The following EVA1A variants were observed in gnomAD, a reference collection of about 807,000 sequenced individuals.
EVA1A encodes protein eva-1 homolog A.
A neutral mutation model predicts 9.8 loss-of-function variants in EVA1A; 7 were observed. The ratio of observed to expected loss-of-function variants is 0.71; its 90% CI spans 0.41 to 1.34. The LOEUF (loss-of-function observed/expected upper bound fraction) is 1.34, where lower values mean the gene tolerates loss of function less well. EVA1A is among the 40% of genes most tolerant of loss of function. EVA1A has a pLI of 0.01. For synonymous variants in EVA1A, 90 were observed against 85.6 expected (o/e 1.05, Z -0.28); for missense variants, 206 against 205.9 (o/e 1.00, Z 0.00).
At chr2:75,534,127 T>C (rs1675786812) in intron 1 of EVA1A, among the ~76,000 whole-genome samples, 1 of 152,130 alleles carries the variant, frequency 6.6e-6, no homozygotes, top group Non-Finnish European at 1.5e-5. Context: ...TAGTTTCAGC[T>C]ACTCAGGATG....
chr2:75,553,541 G>A (rs1676598360), intron 1 of EVA1A, among the ~76,000 whole-genome samples: 1 of 152,196 alleles, frequency 6.6e-6, no homozygotes, highest in Admixed American at 6.5e-5. Flanking sequence ...CCAGAGCCTG[G>A]AACTGTGCCT....
intron 1 of EVA1A, among the ~76,000 whole-genome samples, chr2:75,540,081 C>T (rs1476557722): frequency 6.6e-6 from 1 of 152,222 alleles, no homozygotes; most frequent in Non-Finnish European, 1.5e-5. Context: ...GGTGCAGCAA[C>T]CTTCCTCTAG....
At chr2:75,494,589 C>T (rs1674142015) in intron 3 of EVA1A, among the ~76,000 whole-genome samples, 1 of 152,210 alleles carries the variant, frequency 6.6e-6, no homozygotes, top group Non-Finnish European at 1.5e-5. Flanking sequence ...ATGGTGCCAA[C>T]AGCCATGTGA....
chr2:75,552,806 G>A (rs1396385006), intron 1 of EVA1A, among the ~76,000 whole-genome samples: 1 of 152,166 alleles, frequency 6.6e-6, no homozygotes, highest in Non-Finnish European at 1.5e-5. Flanking sequence ...TGGGAAGGAG[G>A]CTGAGATGTA....
At chr2:75,548,177 G>C (rs77704856) in intron 1 of EVA1A, among the ~76,000 whole-genome samples, 1 of 152,182 alleles carries the variant, frequency 6.6e-6, no homozygotes, top group East Asian at 1.9e-4. Flanking sequence ...CTGTCACTCA[G>C]GCTATAATGC....
chr2:75,521,378 G>A (rs1395650074), intron 2 of EVA1A, among the ~76,000 whole-genome samples: 3 of 152,168 alleles, frequency 2.0e-5, no homozygotes, highest in Non-Finnish European at 1.5e-5. Context: ...AACAGAATTT[G>A]TACACCAATG....
At chr2:75,533,110 C>T (rs1446484373) in intron 1 of EVA1A, among the ~76,000 whole-genome samples, 1 of 148,988 alleles carries the variant, frequency 6.7e-6, no homozygotes, top group Non-Finnish European at 1.5e-5. Flanking sequence ...CCCCACTGCA[C>T]TGCACTCCAG....
chr2:75,537,130 A>G (rs1675938866), intron 1 of EVA1A, among the ~76,000 whole-genome samples: 1 of 152,214 alleles, frequency 6.6e-6, no homozygotes, highest in Admixed American at 6.5e-5. Flanking sequence ...TTATGACATG[A>G]CTACATGGGG....
At chr2:75,507,340 A>C (rs192111026) in intron 3 of EVA1A, among the ~76,000 whole-genome samples, 26 of 152,294 alleles carry the variant, frequency 1.7e-4, no homozygotes, top group African/African-American at 4.8e-4. Flanking sequence ...TGCTGATATA[A>C]ATGCAAACCC....
In EVA1A at chr2:75,493,603, G is replaced by C; in HGVS notation, c.92C>G (p.Pro31Arg). The C allele has an allele frequency of 6.3e-7, 1 of 1,583,548 alleles. No homozygotes were observed. Among genetic ancestry groups the C allele is most frequent in the African/African-American group, 1.3e-5 (1 of 74,142 alleles). ...LAAYSFVSEN[P>R]ERAALYFVSG... The stretch of plus-strand genomic sequence containing the variant: ...AACAAAGTACAGAGCTGCTCGCTCA[G>C]GATTTTCTGGAGGAAGAAGAGGAAG... The change falls in exon 4 of 4, where the codon CCT becomes CGT. Residue 31 changes from proline to arginine, a missense_variant. Coordinates refer to ENST00000393913, the MANE Select transcript of EVA1A (RefSeq NM_001135032.2).
intron 3 of EVA1A, among the ~76,000 whole-genome samples, chr2:75,504,595 C>T (rs534111186): frequency 6.6e-6 from 1 of 152,174 alleles, no homozygotes; most frequent in Non-Finnish European, 1.5e-5. Flanking sequence ...CTGTTCCTAC[C>T]TGGCTGGCTC....
intron 3 of EVA1A, among the ~76,000 whole-genome samples, chr2:75,511,282 T>C (rs1247295571): frequency 3.9e-5 from 6 of 152,188 alleles, no homozygotes; most frequent in Non-Finnish European, 7.4e-5. Flanking sequence ...AGTTCTTCTT[T>C]GGGGCACTTA....
chr2:75,537,159 G>A (rs186689092), intron 1 of EVA1A, among the ~76,000 whole-genome samples: 154 of 152,048 alleles, frequency 1.0e-3, no homozygotes, highest in African/African-American at 3.5e-3. Flanking sequence ...AAGAATGCAA[G>A]GCTTATTCAA....
intron 1 of EVA1A, among the ~76,000 whole-genome samples, chr2:75,523,765 C>T (rs1185755262): frequency 6.6e-6 from 1 of 152,206 alleles, no homozygotes; most frequent in Non-Finnish European, 1.5e-5. Flanking sequence ...CTCAGAGTTT[C>T]CCACAATAAG....
At chr2:75,529,313 C>A (rs550521979) in intron 1 of EVA1A, among the ~76,000 whole-genome samples, 1 of 152,132 alleles carries the variant, frequency 6.6e-6, no homozygotes, top group African/African-American at 2.4e-5. Flanking sequence ...AACTTTAATA[C>A]CCCACTGACA....
chr2:75,565,767 T>C (rs1347038393), upstream of EVA1A, among the ~76,000 whole-genome samples: 2 of 152,222 alleles, frequency 1.3e-5, no homozygotes, highest in African/African-American at 2.4e-5. Flanking sequence ...CATGGCCTGA[T>C]GAGAGGCTAA....
At chr2:75,500,364 A>G (rs1674370111) in intron 3 of EVA1A, among the ~76,000 whole-genome samples, 1 of 152,182 alleles carries the variant, frequency 6.6e-6, no homozygotes, top group Non-Finnish European at 1.5e-5. Context: ...GGAGTGACTT[A>G]ATTATAACAA....
At chr2:75,498,354 G>A (rs1461509602) in intron 3 of EVA1A, among the ~76,000 whole-genome samples, 2 of 152,042 alleles carry the variant, frequency 1.3e-5, no homozygotes, top group East Asian at 3.9e-4. Context: ...GTGGGGGAAT[G>A]GGTTGGAAAA....
chr2:75,534,783 T>C (rs1675815668), intron 1 of EVA1A, among the ~76,000 whole-genome samples: 2 of 152,228 alleles, frequency 1.3e-5, no homozygotes, highest in Non-Finnish European at 2.9e-5. Flanking sequence ...ATTTCTTTTG[T>C]TTCTGTTGCT....
Sources: allele counts gnomAD v4.1 joint callset (sites outside exome capture counted in the v4.1 genomes callset), GRCh38; gene constraint gnomAD v4.1.1; transcripts MANE v1.5; gene names NCBI Gene and HGNC (gene_info 2026-07-23, HGNC 2026-07-21).